COL24A1: variants seen among roughly 807,000 people sequenced by gnomAD.
The protein encoded by COL24A1 is collagen type XXIV alpha 1 chain.
Under a neutral mutation model 253.9 loss-of-function variants are expected in COL24A1, and 224 were observed. That is an observed-to-expected ratio of 0.88 (90% confidence interval 0.79 to 0.99). The LOEUF (loss-of-function observed/expected upper bound fraction) is 0.99. Ranked by LOEUF, COL24A1 falls within the 50% of genes least tolerant of loss-of-function variation. The probability of loss-of-function intolerance (pLI) is 0.00; values close to 1 mark genes in which losing one functional copy is unlikely to be tolerated. For missense variants in COL24A1, 2,131 were observed against 2,068.5 expected, an observed-to-expected ratio of 1.03 and a Z score of -0.59; for synonymous variants, 685 against 673.7, an observed-to-expected ratio of 1.02 and a Z score of -0.26.
At chr1:85,766,939 CT>C (rs1475195757) in intron 53 of COL24A1, among the ~76,000 whole-genome samples, 8 of 151,954 alleles carry the variant, frequency 5.3e-5, no homozygotes, top group Admixed American at 2.6e-4. Context: ...CTCGTTTCTA[CT>C]AAAAATACAA....
chr1:86,107,651 C>T (rs564485266), intron 5 of COL24A1, among the ~76,000 whole-genome samples: 4 of 152,086 alleles, frequency 2.6e-5, no homozygotes, highest in Admixed American at 1.3e-4. Flanking sequence ...TCTCCTGCCT[C>T]AGCCTCCTGA....
intron 31 of COL24A1, among the ~76,000 whole-genome samples, chr1:85,890,399 C>T (rs1188297048): frequency 1.7e-5 from 2 of 119,092 alleles, no homozygotes; most frequent in Non-Finnish European, 3.4e-5. Context: ...ACATCCTTGG[C>T]CACACAAATT....
chr1:86,055,824 T>TA (rs1327566420), intron 10 of COL24A1, among the ~76,000 whole-genome samples: 2 of 151,976 alleles, frequency 1.3e-5, no homozygotes, highest in East Asian at 1.9e-4. Flanking sequence ...ACAAAGCTAG[T>TA]AAAAGAAGTA....
rs570874245 is a variant in COL24A1 at position 85,734,693 on chromosome 1, T to A, written c.4998+56A>T. ...TACTCTAATTATCCTAATTTTATGG[T>A]TTTATCAATTTTAAGTTAGTTATAT... On this transcript the variant is annotated intron_variant, in intron 59 of 59. Coordinates refer to ENST00000370571, the MANE Select transcript of COL24A1 (RefSeq NM_152890.7). 6.3e-5 allele frequency: 93 copies of A among 1,467,252 alleles called. 1 individual carries two copies. The South Asian group carries it at 9.4e-4, about 15-fold the overall frequency. The allele number at this position is 1,467,252 out of a possible 1,614,324, so 90.9% of individuals were successfully genotyped here.
At chr1:86,118,764 C>A (rs1444562013) in intron 3 of COL24A1, among the ~76,000 whole-genome samples, 5 of 151,666 alleles carry the variant, frequency 3.3e-5, no homozygotes, top group Non-Finnish European at 4.4e-5. Flanking sequence ...TTTAGTTAGA[C>A]CTAAAAGATT....
At chr1:86,053,058 G>C (rs754050752) in intron 10 of COL24A1, among the ~76,000 whole-genome samples, 1 of 152,082 alleles carries the variant, frequency 6.6e-6, no homozygotes, top group Non-Finnish European at 1.5e-5. Flanking sequence ...TTACTTGAAA[G>C]CCAAGCAGTT....
At chr1:85,999,110 T>C (rs902072429) in intron 19 of COL24A1, among the ~76,000 whole-genome samples, 21 of 152,112 alleles carry the variant, frequency 1.4e-4, no homozygotes, top group Non-Finnish European at 2.8e-4. Context: ...TCACAGATGA[T>C]TAACAGGATT....
In COL24A1 at chr1:86,063,392, T is replaced by C. The variant is rs1435435994; in HGVS notation, c.1752+323A>G. Among the ~76,000 whole-genome samples, 12 of 151,942 alleles carry C rather than the reference T, an allele frequency of 7.9e-5. No homozygotes were observed. In the South Asian group the frequency reaches 2.3e-3, roughly 29 times the overall value. ...GTGTGTGTGTGTGTGTTTGTATGTG[T>C]ATGGATATGTATATTTTCTGGGAAA... On this transcript the variant is annotated intron_variant, in intron 8 of 59. Coordinates refer to ENST00000370571, the MANE Select transcript of COL24A1 (RefSeq NM_152890.7).
intron 35 of COL24A1, 95 bp from the exon 36 acceptor site, chr1:85,868,930 A>C (rs1310882034): frequency 1.3e-6 from 1 of 773,270 alleles, no homozygotes; most frequent in East Asian, 2.8e-5. Flanking sequence ...GAAAATAGCA[A>C]ATTTGTGTTC....
chr1:86,147,402 T>C (rs1459921056), intron 1 of COL24A1, among the ~76,000 whole-genome samples: 1 of 152,224 alleles, frequency 6.6e-6, no homozygotes, highest in East Asian at 1.9e-4. Context: ...AGAGCACAGC[T>C]CTTATAAGAC....
At chr1:86,131,131 T>C (rs931609090) in intron 2 of COL24A1, among the ~76,000 whole-genome samples, 2 of 152,100 alleles carry the variant, frequency 1.3e-5, no homozygotes, top group African/African-American at 4.8e-5. Context: ...CAGCTAAATA[T>C]TTTTCTCCTT....
At chr1:86,051,644 C>T (rs796917672) in intron 10 of COL24A1, among the ~76,000 whole-genome samples, 4 of 152,012 alleles carry the variant, frequency 2.6e-5, no homozygotes, top group South Asian at 4.1e-4. Flanking sequence ...GCAATTTACA[C>T]TGTGAGTCAT....
At chr1:85,778,049 C>CTATT (rs1416078372) in intron 52 of COL24A1, among the ~76,000 whole-genome samples, 6 of 151,854 alleles carry the variant, frequency 4.0e-5, no homozygotes, top group Non-Finnish European at 7.4e-5. Flanking sequence ...ATCTATCTAT[C>CTATT]TATCTATCTA....
intron 18 of COL24A1, among the ~76,000 whole-genome samples, chr1:86,019,076 A>G (rs866333531): frequency 6.6e-6 from 1 of 152,222 alleles, no homozygotes; most frequent in Non-Finnish European, 1.5e-5. Flanking sequence ...AGACATCCTT[A>G]TGATGTTGGC....
chr1:85,993,475 G>C (rs1220547440), intron 19 of COL24A1, among the ~76,000 whole-genome samples: 1 of 150,418 alleles, frequency 6.6e-6, no homozygotes, highest in Non-Finnish European at 1.5e-5. Context: ...ATGTGAGTCA[G>C]TTTATATAAA....
intron 47 of COL24A1, among the ~76,000 whole-genome samples, chr1:85,809,519 C>T (rs1259437017): frequency 6.6e-6 from 1 of 152,028 alleles, no homozygotes; most frequent in African/African-American, 2.4e-5. Flanking sequence ...AAGGCAGTTT[C>T]ATGGGTGAAG....
chr1:85,999,166 TA>T lies in COL24A1; in HGVS notation c.2311-11513del, dbSNP rs1571541227. Among the ~76,000 whole-genome samples the T allele has an allele frequency of 3.9e-5, 6 of 152,176 alleles. No individual in the cohort carries two copies. The East Asian group carries it at 1.2e-3, about 29-fold the overall frequency. ...TGGCAATGAATATGTAAACCAAATA[TA>T]TGGTCAACCAGGCAATAAATGGTCC... On this transcript the variant is annotated intron_variant, in intron 19 of 59. Coordinates refer to ENST00000370571, the MANE Select transcript of COL24A1 (RefSeq NM_152890.7).
chr1:85,744,479 T>C (rs942181375), intron 57 of COL24A1, among the ~76,000 whole-genome samples, 187 bp downstream of exon 57: 2 of 151,890 alleles, frequency 1.3e-5, no homozygotes, highest in Admixed American at 1.3e-4. Context: ...ATGATATAGC[T>C]AGGGGTGGAT....
intron 10 of COL24A1, among the ~76,000 whole-genome samples, chr1:86,050,732 G>A (rs1700239915): frequency 6.6e-6 from 1 of 152,094 alleles, no homozygotes; most frequent in Non-Finnish European, 1.5e-5. Flanking sequence ...TATACTTTGT[G>A]TGTAAGATGG....
Sources: gnomAD v4.1 joint callset for allele counts (sites outside exome capture counted in the v4.1 genomes callset) on GRCh38, gnomAD v4.1.1 for gene constraint, MANE v1.5 for transcripts, NCBI Gene and HGNC (gene_info 2026-07-23, HGNC 2026-07-21) for gene names.